CNTLN: variants seen among roughly 807,000 people sequenced by gnomAD.
The protein encoded by CNTLN is centlein, centrosomal protein.
In CNTLN, 212 loss-of-function variants were observed where a neutral mutation model predicts 180.0. The observed-to-expected ratio is 1.18, with a 90% CI of 1.05 to 1.32. The LOEUF is 1.32. Ranked by LOEUF, CNTLN falls within the 40% of genes most tolerant of loss-of-function variation. The pLI is 0.00. For missense variants in CNTLN, 2,095 were observed against 1,610.9 expected (o/e 1.30, Z -5.14); for synonymous variants, 722 against 563.1 (o/e 1.28, Z -3.99).
Position 17,484,340 on chromosome 9 carries a change from C to T in CNTLN, c.3901C>T (p.Gln1301Ter), listed in dbSNP as rs200287751. Residue 1301 changes from glutamine to a stop codon, truncating the protein, a stop_gained, in exon 24 of 26, where the codon CAA (glutamine) becomes TAA (stop). Transcript: ENST00000380647. LOFTEE classifies it high-confidence loss of function. Reference sequence around the variant, plus strand: ...AAATGATGTCCATGTGGTAAGGCGACAAATAAGAGAGCTTAAAAAAATGAA... The same window carrying T: ...AAATGATGTCCATGTGGTAAGGCGATAAATAAGAGAGCTTAAAAAAATGAA... ...LQNDVHVVRR[Q>*]IRELKKMKKN... 2 of 1,610,288 alleles carry T rather than the reference C, an allele frequency of 1.2e-6. No homozygotes were observed. Among genetic ancestry groups the T allele is most frequent in the Non-Finnish European group, 1.7e-6 (2 of 1,178,812 alleles).
rs760148171 is a variant in CNTLN, at chr9:17,484,308, A to C, written c.3869A>C (p.Glu1290Ala). The change falls in exon 24 of 26, where the codon GAG becomes GCG. Residue 1290 changes from glutamate to alanine, a missense_variant. By Grantham distance (107) the Glu-to-Ala change is moderately radical (BLOSUM62 -1). Coordinates refer to ENST00000380647, the MANE Select transcript of CNTLN (RefSeq NM_017738.4). ...AATATGTTACAGGCTTTGGCCAAAG[A>C]GTTGCAAAATGATGTCCATGTGGTA... ...FTTFVKALAK[E>A]LQNDVHVVRR... The C allele has an allele frequency of 6.3e-7, 1 of 1,598,406 alleles. No individual in the cohort carries two copies. The highest frequency in any genetic ancestry group is 2.2e-5 in the East Asian group (1 of 44,782).
chr9:17,453,163 A>G (rs1362106410), intron 18 of CNTLN, among the ~76,000 whole-genome samples: 1 of 151,994 alleles, frequency 6.6e-6, no homozygotes, highest in Non-Finnish European at 1.5e-5. Context: ...AGAATTAAAA[A>G]TTGGCTGGGT....
chr9:17,272,024 T>A (rs1423849776), intron 5 of CNTLN, among the ~76,000 whole-genome samples: 1 of 100,644 alleles, frequency 9.9e-6, no homozygotes, highest in Non-Finnish European at 2.0e-5. Flanking sequence ...CCTCCCTCCC[T>A]CCCTTCCTTC....
At chr9:17,329,241 A>G (rs1318730818) in intron 8 of CNTLN, among the ~76,000 whole-genome samples, 1 of 152,084 alleles carries the variant, frequency 6.6e-6, no homozygotes, top group Non-Finnish European at 1.5e-5. Flanking sequence ...GGAAACCTAG[A>G]CAAGAGCAGG....
chr9:17,523,033 A>G, the CNTLN span, among the ~76,000 whole-genome samples: 1 of 152,116 alleles, frequency 6.6e-6, no homozygotes, highest in South Asian at 2.1e-4. Context: ...CCCTCTGGGT[A>G]TGTGGATAGG....
At chr9:17,406,743 T>A (rs1827422814) in intron 15 of CNTLN, among the ~76,000 whole-genome samples, 1 of 151,820 alleles carries the variant, frequency 6.6e-6, no homozygotes, top group Non-Finnish European at 1.5e-5. Context: ...TTCTTTCACA[T>A]GCATAGGGCA....
At chr9:17,508,296 A>T (rs1333080019), downstream of CNTLN, among the ~76,000 whole-genome samples, 1 of 152,226 alleles carries the variant, frequency 6.6e-6, no homozygotes, top group Non-Finnish European at 1.5e-5. Context: ...AAAAATAGTA[A>T]GCAGAGTTTT....
intron 13 of CNTLN, among the ~76,000 whole-genome samples, chr9:17,387,443 A>G (rs1042251686): frequency 6.6e-6 from 1 of 152,142 alleles, no homozygotes; most frequent in Non-Finnish European, 1.5e-5. Flanking sequence ...AGGATTTGAT[A>G]TATTTTGATT....
chr9:17,370,450 A>G (rs1164439759), intron 13 of CNTLN, among the ~76,000 whole-genome samples: 1 of 152,238 alleles, frequency 6.6e-6, no homozygotes, highest in Non-Finnish European at 1.5e-5. Context: ...TTGCCCTGGA[A>G]TAATATATCC....
intron 12 of CNTLN, among the ~76,000 whole-genome samples, chr9:17,357,554 G>A (rs1822947429): frequency 6.9e-6 from 1 of 145,516 alleles, no homozygotes; most frequent in Non-Finnish European, 1.5e-5. Flanking sequence ...CATATTTTGG[G>A]TACCATGTAT....
At chr9:17,350,380 A>C (rs6475141) in intron 12 of CNTLN, among the ~76,000 whole-genome samples, 90,925 of 151,916 alleles carry the variant, frequency 0.6, 27,465 homozygotes, top group East Asian at 0.73. Context: ...AATGCTTTAG[A>C]TGGGTACTTT....
intron 10 of CNTLN, among the ~76,000 whole-genome samples, chr9:17,334,876 A>G (rs1348365718): frequency 6.6e-6 from 1 of 151,526 alleles, no homozygotes; most frequent in Non-Finnish European, 1.5e-5. Flanking sequence ...TACCCTTGTA[A>G]CAAACCTGTA....
chr9:17,358,345 A>T (rs1480157869), intron 12 of CNTLN, among the ~76,000 whole-genome samples: 1 of 152,164 alleles, frequency 6.6e-6, no homozygotes, highest in East Asian at 1.9e-4. Flanking sequence ...GCAAAAGTTG[A>T]TTGAAAAGAA....
chr9:17,495,166 C>T (rs111555970), intron 25 of CNTLN, among the ~76,000 whole-genome samples: 16 of 151,788 alleles, frequency 1.1e-4, no homozygotes, highest in Middle Eastern at 3.4e-3. Flanking sequence ...AGATGTGAGC[C>T]GCTGTGCCCA....
chr9:17,421,555 T>C lies in CNTLN; in HGVS notation c.3114+5366T>C, dbSNP rs542099575. ...TGTATCTTTTGGTTGGAGAGTTTAG[T>C]CCATTTGCATTCAGTATTATTATTC... On this transcript the variant is annotated intron_variant, in intron 18 of 25. Transcript: ENST00000380647. 5.3e-5 allele frequency among the ~76,000 whole-genome samples: 8 copies of C among 152,236 alleles called. No individual in the cohort carries two copies. The South Asian group carries it at 1.7e-3, about 32-fold the overall frequency.
At chr9:17,269,118 C>G (rs535777140) in intron 5 of CNTLN, among the ~76,000 whole-genome samples, 1 of 152,254 alleles carries the variant, frequency 6.6e-6, no homozygotes, top group African/African-American at 2.4e-5. Context: ...AATCACCTGT[C>G]TTCTGCATCG....
At chr9:17,310,193 A>T (rs775019322) in intron 8 of CNTLN, among the ~76,000 whole-genome samples, 6 of 152,104 alleles carry the variant, frequency 3.9e-5, no homozygotes, top group Non-Finnish European at 8.8e-5. Context: ...GCTTACATCC[A>T]CTTGTATGTG....
chr9:17,489,362 G>A (rs1833035134), intron 25 of CNTLN, among the ~76,000 whole-genome samples: 1 of 152,012 alleles, frequency 6.6e-6, no homozygotes, highest in Non-Finnish European at 1.5e-5. Context: ...TGGAATAACT[G>A]AAGACATTTT....
intron 5 of CNTLN, among the ~76,000 whole-genome samples, chr9:17,264,439 T>G (rs529140738): frequency 6.6e-6 from 1 of 150,728 alleles, no homozygotes; most frequent in Non-Finnish European, 1.5e-5. Flanking sequence ...CTGTTTTGGT[T>G]ACTGTAGCCT....
Sources: gnomAD v4.1 joint callset for allele counts (sites outside exome capture counted in the v4.1 genomes callset) on GRCh38, gnomAD v4.1.1 for gene constraint, MANE v1.5 for transcripts, NCBI Gene and HGNC (gene_info 2026-07-23, HGNC 2026-07-21) for gene names.